SAMD12: variants seen among roughly 807,000 people sequenced by gnomAD.
SAMD12 encodes sterile alpha motif domain-containing protein 12.
In SAMD12, 9 loss-of-function variants were observed where a neutral mutation model predicts 15.0. That is an observed-to-expected ratio of 0.60 (90% confidence interval 0.36 to 1.05). The LOEUF (loss-of-function observed/expected upper bound fraction) is 1.05. Among genes scored for constraint, SAMD12 ranks in the 50% least tolerant of loss-of-function variants. The pLI, the probability that SAMD12 is intolerant of heterozygous loss-of-function variation, is 0.01. For missense variants in SAMD12, 230 were observed against 234.2 expected, an observed-to-expected ratio of 0.98 and a Z score of 0.12; for synonymous variants, 86 against 90.1, an observed-to-expected ratio of 0.96 and a Z score of 0.25.
chr8:118,132,972 G>GTGTATATA, the SAMD12 span, among the ~76,000 whole-genome samples: 1 of 48,246 alleles, frequency 2.1e-5, no homozygotes, highest in African/African-American at 7.2e-5. Flanking sequence ...GTGTGTGTGT[G>GTGTATATA]TATATATATA....
intron 1 of SAMD12, among the ~76,000 whole-genome samples, chr8:118,589,919 C>T (rs938548889): frequency 6.6e-6 from 1 of 152,050 alleles, no homozygotes; most frequent in Non-Finnish European, 1.5e-5. Flanking sequence ...TCCATTCATC[C>T]CACTTAGTAA....
intron 2 of SAMD12, among the ~76,000 whole-genome samples, chr8:118,546,683 G>A (rs1826136824): frequency 2.0e-5 from 3 of 152,016 alleles, no homozygotes; most frequent in South Asian, 2.1e-4. Context: ...CTCTAACCCC[G>A]CATTCCTCCA....
At chr8:118,505,641 G>C (rs1328627625) in intron 2 of SAMD12, among the ~76,000 whole-genome samples, 2 of 151,710 alleles carry the variant, frequency 1.3e-5, no homozygotes, top group Admixed American at 1.3e-4. Flanking sequence ...CTGTGACACT[G>C]AAGATACTGT....
intron 2 of SAMD12, among the ~76,000 whole-genome samples, chr8:118,538,662 C>G (rs1281346758): frequency 6.6e-6 from 1 of 152,208 alleles, no homozygotes; most frequent in African/African-American, 2.4e-5. Context: ...CAATTCAAGA[C>G]TGTCTTTCCT....
chr8:118,276,772 A>T (rs1023705158), intron 4 of SAMD12, among the ~76,000 whole-genome samples: 2 of 152,136 alleles, frequency 1.3e-5, no homozygotes, highest in African/African-American at 4.8e-5. Context: ...TCCCAGGTTC[A>T]AGTGAGTTTC....
chr8:118,292,488 T>G (rs1814448378), intron 4 of SAMD12, among the ~76,000 whole-genome samples: 1 of 152,090 alleles, frequency 6.6e-6, no homozygotes, highest in Non-Finnish European at 1.5e-5. Context: ...TAGACTTTAT[T>G]TAGTCTTCAT....
chr8:118,316,096 C>A (rs767414391), intron 4 of SAMD12, among the ~76,000 whole-genome samples: 2 of 152,062 alleles, frequency 1.3e-5, no homozygotes, highest in Non-Finnish European at 2.9e-5. Context: ...ACATGCTGTT[C>A]GAAGGAAAGT....
chr8:118,448,254 T>C (rs1822977215), intron 2 of SAMD12, among the ~76,000 whole-genome samples: 1 of 152,200 alleles, frequency 6.6e-6, no homozygotes, highest in African/African-American at 2.4e-5. Flanking sequence ...TGTTTAAAAA[T>C]GCAAGACTCC....
At chr8:118,293,462 A>T (rs1814528764) in intron 4 of SAMD12, among the ~76,000 whole-genome samples, 1 of 152,222 alleles carries the variant, frequency 6.6e-6, no homozygotes, top group Non-Finnish European at 1.5e-5. Flanking sequence ...AATATTTGCT[A>T]ATGAAAAGAC....
chr8:118,433,412 C>CTTT (rs67140443), intron 3 of SAMD12, among the ~76,000 whole-genome samples: 77,497 of 148,060 alleles, frequency 0.52, 22,346 homozygotes, highest in Admixed American at 0.63. Flanking sequence ...TTGAAAGGGT[C>CTTT]TTTTTTTTTT....
rs537882472 is a variant in SAMD12 at position 118,367,268 on chromosome 8, CCAGAACATCT to C, written c.433+12282_433+12291del. ...ATTTTTCTGTTTCTTCTTAGAAAAG[CCAGAACATCT>C]CAGTGCATCTCTGAAAGTGGCTTTG... On this transcript the variant is annotated intron_variant, in intron 4 of 4. Transcript: ENST00000409003. Among the ~76,000 whole-genome samples, 401 of 152,202 alleles carry C rather than the reference CCAGAACATCT, an allele frequency of 2.6e-3. 1 individual carries two copies. The highest frequency in any genetic ancestry group is 4.9e-3 in the Non-Finnish European group (330 of 67,994).
chr8:118,160,824 G>T, the SAMD12 span, among the ~76,000 whole-genome samples: 1 of 151,864 alleles, frequency 6.6e-6, no homozygotes, highest in Admixed American at 6.6e-5. Flanking sequence ...TAAGTTTTAG[G>T]GTACATGTGC....
the SAMD12 span, among the ~76,000 whole-genome samples, chr8:118,169,467 T>A: frequency 2.6e-5 from 4 of 152,242 alleles, no homozygotes; most frequent in South Asian, 8.3e-4. Flanking sequence ...TGTTTCAAAA[T>A]TGCATGTTGG....
intron 2 of SAMD12, among the ~76,000 whole-genome samples, chr8:118,512,383 G>A (rs1825113853): frequency 6.6e-6 from 1 of 151,752 alleles, no homozygotes; most frequent in Non-Finnish European, 1.5e-5. Flanking sequence ...AGTTTTGTGA[G>A]CCAATAAATA....
chr8:118,599,553 G>A (rs138209893), intron 1 of SAMD12, among the ~76,000 whole-genome samples: 11 of 152,166 alleles, frequency 7.2e-5, no homozygotes, highest in Admixed American at 1.3e-4. Flanking sequence ...AGTAAATACC[G>A]GTAGTTTTGT....
At chr8:118,192,446 A>G (rs922230831) in exon 5 of SAMD12, 1 of 152,178 alleles carries the variant, frequency 6.6e-6, no homozygotes, top group Non-Finnish European at 1.5e-5. Context: ...TGTTTGAGGT[A>G]TTAGTATCTC....
At chr8:118,245,224 A>G (rs1048695456) in intron 4 of SAMD12, among the ~76,000 whole-genome samples, 1 of 152,162 alleles carries the variant, frequency 6.6e-6, no homozygotes, top group Admixed American at 6.5e-5. Context: ...TGGAGACAAG[A>G]TATCAAAGTT....
intron 2 of SAMD12, among the ~76,000 whole-genome samples, chr8:118,544,424 G>A (rs899860779): frequency 1.3e-5 from 2 of 152,028 alleles, no homozygotes; most frequent in African/African-American, 4.8e-5. Flanking sequence ...GGGTTTCAGA[G>A]GTAAGAGTCA....
rs77678214 is a variant in SAMD12 at position 118,467,276 on chromosome 8, C to T, written c.193-27315G>A. On this transcript the variant is annotated intron_variant, in intron 2 of 3. Coordinates refer to ENST00000314727, the MANE Select transcript of SAMD12 (RefSeq NM_207506.3). The stretch of plus-strand genomic sequence containing the variant: ...ATCCCAGCTTGACACCTACATAACT[C>T]AGAACAAATCTTCTTAGTATGCCTC... Among the ~76,000 whole-genome samples the T allele has an allele frequency of 1.4e-3, 209 of 152,248 alleles. 1 individual carries two copies. Among genetic ancestry groups the T allele is most frequent in the African/African-American group, 4.8e-3 (200 of 41,536 alleles).
Sources: gnomAD v4.1 joint callset for allele counts (sites outside exome capture counted in the v4.1 genomes callset) on GRCh38, gnomAD v4.1.1 for gene constraint, MANE v1.5 for transcripts, NCBI Gene and HGNC (gene_info 2026-07-23, HGNC 2026-07-21) for gene names.